MANSC1: variants seen among roughly 807,000 people sequenced by gnomAD.
MANSC1 encodes MANSC domain-containing protein 1.
MANSC1 carries 13 observed loss-of-function variants against 14.1 expected under a neutral mutation model. That is an observed-to-expected ratio of 0.92 (90% CI 0.60 to 1.46). The LOEUF is 1.46. MANSC1 is among the 40% of genes most tolerant of loss of function. The pLI is 0.00. For synonymous variants in MANSC1, 227 were observed against 200.7 expected (o/e 1.13, Z -1.11); for missense variants, 486 against 511.4 (o/e 0.95, Z 0.48).
rs913160283 is a variant in MANSC1, at chr12:12,328,265, T to C, written c.*1762A>G. 16 of 152,136 alleles carry C rather than the reference T, an allele frequency of 1.1e-4. No individual in the cohort carries two copies. The highest frequency in any genetic ancestry group is 3.6e-4 in the African/African-American group (15 of 41,426). 9.4% of individuals were successfully genotyped at this position (152,136 alleles called of 1,614,324 possible). Reference sequence around the variant, plus strand: ...ATCATGTTAGTGCTAGTTATTATTATTATTATTTTTGAGACGGAGTCTGGC... The same window carrying C: ...ATCATGTTAGTGCTAGTTATTATTACTATTATTTTTGAGACGGAGTCTGGC... On this transcript the variant is annotated 3_prime_UTR_variant, in exon 4 of 4. Coordinates refer to ENST00000535902, the MANE Select transcript of MANSC1 (RefSeq NM_018050.4).
intron 3 of MANSC1, among the ~76,000 whole-genome samples, chr12:12,334,916 C>T (rs1388770542): frequency 6.6e-6 from 1 of 152,184 alleles, no homozygotes; most frequent in East Asian, 1.9e-4. Flanking sequence ...GGGGGCAAAG[C>T]AGTGTCAACA....
chr12:12,330,323 T>C lies in MANSC1; in HGVS notation c.1000A>G (p.Asn334Asp). 2 of 1,614,196 alleles carry C rather than the reference T, an allele frequency of 1.2e-6. No individual in the cohort carries two copies. The highest frequency in any genetic ancestry group is 1.7e-6 in the Non-Finnish European group (2 of 1,180,024). The stretch of plus-strand genomic sequence containing the variant: ...GAAAGTGCAGTAGGGTTATACACAT[T>C]CCCTGTGTTCAAAGTTAGGTTGGAG... The part of the protein sequence containing the change: ...EISNLTLNTG[N>D]VYNPTALSMS... Residue 334 changes from asparagine (N) to aspartate (D), a missense_variant, in exon 4 of 4, where the codon AAT becomes GAT. Asn to Asp is a conservative substitution (Grantham distance 23, BLOSUM62 1). Coordinates refer to ENST00000535902, the MANE Select transcript of MANSC1 (RefSeq NM_018050.4).
chr12:12,334,476 C>T (rs1444334487), intron 3 of MANSC1, among the ~76,000 whole-genome samples: 1 of 152,134 alleles, frequency 6.6e-6, no homozygotes, highest in Non-Finnish European at 1.5e-5. Flanking sequence ...ACAACTTGCA[C>T]ACATCCTGTA....
chr12:12,342,601 T>G lies in MANSC1; in HGVS notation c.223+491A>C, dbSNP rs1392907849. 3.0e-4 allele frequency among the ~76,000 whole-genome samples: 42 copies of G among 138,720 alleles called. 1 individual carries two copies. The highest frequency in any genetic ancestry group is 2.7e-3 in the South Asian group (12 of 4,424). The allele number at this position is 138,720 out of a possible 152,430, so 91.0% of individuals were successfully genotyped here. ...GTTTTTTTGTTTTTTTTTTTTTTTT[T>G]TTTTTTTGACTTATCCTATGCCACC... is the stretch of plus-strand genomic sequence containing the variant. On this transcript the variant is annotated intron_variant, in intron 2 of 3. Transcript: ENST00000535902.
rs1565789689 is a variant in MANSC1, at chr12:12,328,983, G to GCCACACAC, written c.*1043_*1044insGTGTGTGG. Reference sequence around the variant, plus strand: ...AGCCTGGGTGACAGAGCAAGACTCTGTCACACACACACACACACACACACA... The same window carrying GCCACACAC: ...AGCCTGGGTGACAGAGCAAGACTCTGCCACACACTCACACACACACACACACACACACA... On this transcript the variant is annotated 3_prime_UTR_variant, in exon 4 of 4. Coordinates refer to ENST00000535902, the MANE Select transcript of MANSC1 (RefSeq NM_018050.4). 2.3e-5 allele frequency: 1 copy of GCCACACAC among 43,464 alleles called. No homozygotes were observed. Among genetic ancestry groups the GCCACACAC allele is most frequent in the Non-Finnish European group, 4.5e-5 (1 of 22,132 alleles). 2.7% of individuals were successfully genotyped at this position (43,464 alleles called of 1,614,324 possible). A position where few individuals can be genotyped will look rare whatever the true frequency, so the allele number is the denominator to read the frequency against.
intron 1 of MANSC1, among the ~76,000 whole-genome samples, chr12:12,344,160 G>C (rs1047525818): frequency 6.6e-6 from 1 of 151,794 alleles, no homozygotes; most frequent in African/African-American, 2.4e-5. Flanking sequence ...CTAGATGGTA[G>C]ACATTGTGCT....
At position 12,330,185 on chromosome 12, in the gene MANSC1, G is replaced by A; in HGVS notation, c.1138C>T (p.Pro380Ser). ...CCGATAAGAAGCCATTTTTCAAATG[G>A]AAGGCCGTACTGATTTTCTGGAACA... is the stretch of plus-strand genomic sequence containing the variant. ...GSVPENQYGL[P>S]FEKWLLIGSL... Residue 380 changes from proline (P) to serine (S), a missense_variant, in exon 4 of 4, where the codon CCA becomes TCA. By Grantham distance (74) the Pro-to-Ser change is moderately conservative. Coordinates refer to ENST00000535902, the MANE Select transcript of MANSC1 (RefSeq NM_018050.4). The A allele has an allele frequency of 6.2e-7, 1 of 1,614,166 alleles. No individual in the cohort carries two copies.
intron 3 of MANSC1, among the ~76,000 whole-genome samples, chr12:12,333,863 G>A (rs963633059): frequency 6.6e-6 from 1 of 152,118 alleles, no homozygotes; most frequent in Non-Finnish European, 1.5e-5. Flanking sequence ...AACAATAAAA[G>A]ATTAAATACC....
intron 2 of MANSC1, among the ~76,000 whole-genome samples, chr12:12,339,901 C>A (rs1302194802): frequency 6.6e-6 from 1 of 152,130 alleles, no homozygotes; most frequent in Admixed American, 6.5e-5. Context: ...CAGCCTTGAC[C>A]TCCTGGGCTC....
Position 12,330,484 on chromosome 12 carries a change from G to T in MANSC1, c.839C>A (p.Thr280Lys). 6.2e-7 allele frequency: 1 copy of T among 1,614,178 alleles called. No homozygotes were observed. Among genetic ancestry groups the T allele is most frequent in the Non-Finnish European group, 8.5e-7 (1 of 1,180,034 alleles). The change falls in exon 4 of 4, where the codon ACG (threonine) becomes AAG (lysine). Residue 280 changes from threonine to lysine, a missense_variant. By Grantham distance (78) the Thr-to-Lys change is moderately conservative. Coordinates refer to ENST00000535902, the MANE Select transcript of MANSC1 (RefSeq NM_018050.4). The part of the protein sequence containing the change: ...PVTTVTSQPP[T>K]TLISTVFTRA... ...TGTAAAAACTGTAGAAATGAGGGTCGTGGGAGGCTGAGAAGTGACAGTGGT... is the reference window on the plus strand; with the variant it reads ...TGTAAAAACTGTAGAAATGAGGGTCTTGGGAGGCTGAGAAGTGACAGTGGT...
chr12:12,347,064 A>G (rs944435932), intron 1 of MANSC1, among the ~76,000 whole-genome samples: 2 of 152,008 alleles, frequency 1.3e-5, no homozygotes, highest in African/African-American at 4.8e-5. Flanking sequence ...ATGGAAGACA[A>G]TTTTTCCATG....
At position 12,343,283 on chromosome 12, in the gene MANSC1, T is replaced by G. The variant is rs766217739; in HGVS notation, c.32A>C (p.Tyr11Ser). MFFGGEGSLT[Y>S]TLVIICFLTL... ...CAGGAAGCAAATTATTACCAAAGTG[T>G]AAGTCAAGCTCCCTTCTCCCCCGAA... The change falls in exon 2 of 4, where the codon TAC (tyrosine) becomes TCC (serine). Residue 11 changes from tyrosine (Y) to serine (S), a missense_variant. By Grantham distance (144) the Tyr-to-Ser change is moderately radical. Transcript: ENST00000535902. 1 of 1,614,024 alleles carries G rather than the reference T, an allele frequency of 6.2e-7. No individual in the cohort carries two copies. The highest frequency in any genetic ancestry group is 2.2e-5 in the East Asian group (1 of 44,878).
intron 2 of MANSC1, chr12:12,338,918 C>CACACACACACACACACACACA (rs1565800326): frequency 4.4e-5 from 11 of 249,902 alleles, no homozygotes; most frequent in East Asian, 2.4e-4. Context: ...CACACACACA[C>CACACACACACACACACACACA]CCCTAAGACC....
intron 3 of MANSC1, among the ~76,000 whole-genome samples, chr12:12,335,339 C>CTTTTT (rs60014261): frequency 6.8e-6 from 1 of 147,792 alleles, no homozygotes; most frequent in African/African-American, 2.5e-5. Context: ...GAGAAATCAC[C>CTTTTT]TTTTTTTTTT....
chr12:12,335,322 G>A (rs999041516), intron 3 of MANSC1, among the ~76,000 whole-genome samples: 7 of 148,566 alleles, frequency 4.7e-5, no homozygotes, highest in African/African-American at 1.7e-4. Flanking sequence ...CGGCTACGGT[G>A]AGCTTTGAGA....
rs748739150 is a variant in MANSC1, at chr12:12,346,461, ACTTAC to A, written c.-100-3052_-100-3048del. Among the ~76,000 whole-genome samples the A allele has an allele frequency of 2.0e-5, 3 of 152,334 alleles. No individual in the cohort carries two copies. The East Asian group carries it at 5.8e-4, about 29-fold the overall frequency. On this transcript the variant is annotated intron_variant, in intron 1 of 3. Coordinates refer to ENST00000535902, the MANE Select transcript of MANSC1 (RefSeq NM_018050.4). ...AAGACTGATACTACCTGACTTCAAC[ACTTAC>A]CGTAAAGCTACAATAATCAAAAAAG...
chr12:12,343,709 C>G (rs1017171036), intron 1 of MANSC1, among the ~76,000 whole-genome samples: 1 of 152,158 alleles, frequency 6.6e-6, no homozygotes, highest in Non-Finnish European at 1.5e-5. Flanking sequence ...CAATCCTTCC[C>G]TCTTCTAACT....
rs774640456 is a variant in MANSC1, at chr12:12,338,464, G to C, written c.320C>G (p.Pro107Arg). Residue 107 changes from proline (P) to arginine (R), a missense_variant, in exon 3 of 4, where the codon CCA (proline) becomes CGA (arginine). Physicochemically the swap from Pro to Arg is moderately radical, Grantham distance 103. Transcript: ENST00000535902. ...LFFCPNEEAC[P>R]LKPAKGLMSY... ...CATAAGTCCTTTTGCTGGTTTCAAT[G>C]GACAGGCTTCCTCGTTGGGACAGAA... 1 of 1,612,422 alleles carries C rather than the reference G, an allele frequency of 6.2e-7. No homozygotes were observed. The highest frequency in any genetic ancestry group is 8.5e-7 in the Non-Finnish European group (1 of 1,179,570).
intron 1 of MANSC1, among the ~76,000 whole-genome samples, chr12:12,345,605 C>G (rs1863000504): frequency 6.6e-6 from 1 of 152,170 alleles, no homozygotes; most frequent in African/African-American, 2.4e-5. Flanking sequence ...AAATGTTAAA[C>G]TGGCAAGACA....
Sources: gnomAD v4.1 joint callset for allele counts (sites outside exome capture counted in the v4.1 genomes callset) on GRCh38, gnomAD v4.1.1 for gene constraint, MANE v1.5 for transcripts, NCBI Gene and HGNC (gene_info 2026-07-23, HGNC 2026-07-21) for gene names.